UBN1: variants seen among roughly 807,000 people sequenced by gnomAD.
UBN1 encodes ubinuclein 1, also known as ubinuclein-1.
UBN1 carries 17 observed loss-of-function variants against 108.5 expected under a neutral mutation model. The ratio of observed to expected loss-of-function variants is 0.16; its 90% CI spans 0.11 to 0.24. UBN1 has a LOEUF of 0.24. UBN1 is among the 10% of genes least tolerant of loss of function. The pLI is 1.00. For missense variants in UBN1, 1,595 were observed against 1,394.4 expected, an observed-to-expected ratio of 1.14 and a Z score of -2.29; for synonymous variants, 726 against 564.2, an observed-to-expected ratio of 1.29 and a Z score of -4.07.
At chr16:4,875,558 C>G in intron 15 of UBN1, 124 bp downstream of exon 15, 1 of 1,372,656 alleles carries the variant, frequency 7.3e-7, no homozygotes, top group East Asian at 2.3e-5. Context: ...ACAGTGGGCT[C>G]AGACGTAGGA....
intron 7 of UBN1, among the ~76,000 whole-genome samples, chr16:4,866,627 C>T (rs1485508092): frequency 2.0e-5 from 3 of 152,360 alleles, no homozygotes; most frequent in East Asian, 1.9e-4. Flanking sequence ...ATCCTGCCAC[C>T]TCAGCCTCCA....
At chr16:4,880,025 T>C in intron 17 of UBN1, 58 bp from the exon 18 acceptor site, 3 of 1,598,314 alleles carry the variant, frequency 1.9e-6, no homozygotes, top group Non-Finnish European at 2.6e-6. Flanking sequence ...TACTACTGCC[T>C]TAAGGAAATC....
At chr16:4,853,838 A>C (rs1385110806) in intron 2 of UBN1, among the ~76,000 whole-genome samples, 1 of 152,108 alleles carries the variant, frequency 6.6e-6, no homozygotes, top group Admixed American at 6.5e-5. Flanking sequence ...CTGGGATTAC[A>C]AACATGAGCC....
chr16:4,866,166 T>G (rs1225550415), intron 7 of UBN1, among the ~76,000 whole-genome samples: 1 of 152,298 alleles, frequency 6.6e-6, no homozygotes, highest in South Asian at 2.1e-4. Context: ...ACTAATATAA[T>G]TCTAGTACCT....
rs2086633849 is a variant in UBN1, at chr16:4,853,144, A to G, written c.227A>G (p.Lys76Arg). 3.1e-6 allele frequency: 5 copies of G among 1,614,172 alleles called. No individual in the cohort carries two copies. The highest frequency in any genetic ancestry group is 1.3e-5 in the African/African-American group (1 of 75,044). The change falls in exon 2 of 18, where the codon AAA becomes AGA. Residue 76 changes from lysine (K) to arginine (R), a missense_variant. Coordinates refer to ENST00000262376, the MANE Select transcript of UBN1 (RefSeq NM_001079514.3). ...GTGAAGAATATCCGAGGGAAGGTAA[A>G]AGGCCTTCAGCCTGGAGATAAGGTA... ...ELVKNIRGKV[K>R]GLQPGDKKKD...
In UBN1 at chr16:4,875,326, T is replaced by A. The variant is rs747352705; in HGVS notation, c.2916T>A (p.Gly972=). 1.9e-6 allele frequency: 3 copies of A among 1,614,220 alleles called. No homozygotes were observed. The highest frequency in any genetic ancestry group is 2.2e-5 in the East Asian group (1 of 44,884). Residue 972 remains glycine (G), a synonymous_variant, in exon 15 of 18, where the codon GGT becomes GGA. Transcript: ENST00000262376. ...TGACTCTGGTAGCCCCTCCAGGCGG[T>A]CCAAACGGAGATTCCAGTGGTGGGA... ...QKLTLVAPPG[G]PNGDSSGGTQ... is the part of the protein sequence containing the mutation.
Position 4,880,115 on chromosome 16 carries a change from G to A in UBN1, c.3388G>A (p.Val1130Ile), listed in dbSNP as rs1287394938. The A allele has an allele frequency of 1.2e-6, 2 of 1,613,888 alleles. No homozygotes were observed. Among genetic ancestry groups the A allele is most frequent in the Non-Finnish European group, 1.7e-6 (2 of 1,180,010 alleles). Residue 1130 changes from valine (V) to isoleucine (I), a missense_variant, in exon 18 of 18, where the codon GTA becomes ATA. By Grantham distance (29) the Val-to-Ile change is conservative. This residue lies in a region of UBN1 where 1,398 missense variants were observed against 1,194.7 expected (regional missense o/e 1.17). Transcript: ENST00000262376. ...TCAGCTTCACGGGAAAGGGCCTGCT[G>A]TACCACGGAAATTGTGACCGCTTCA... ...ASQLHGKGPA[V>I]PRKL
chr16:4,859,816 C>T, intron 5 of UBN1, 49 bp from the exon 6 acceptor site: 1 of 1,610,908 alleles, frequency 6.2e-7, no homozygotes, highest in African/African-American at 1.3e-5. Context: ...AGTGCACTTG[C>T]TCCCTGAGTT....
chr16:4,875,261 C>T lies in UBN1; in HGVS notation c.2851C>T (p.Pro951Ser). The change falls in exon 15 of 18, where the codon CCA becomes TCA. Residue 951 changes from proline (P) to serine (S), a missense_variant. By Grantham distance (74) the Pro-to-Ser change is moderately conservative (BLOSUM62 -1). Around this residue, in one of 3 missense-constraint regions of UBN1, gnomAD observed 1,398 missense variants for 1,194.7 expected, o/e 1.17. Coordinates refer to ENST00000262376, the MANE Select transcript of UBN1 (RefSeq NM_001079514.3). ...SVGQATSRPV[P>S]SSAGKKMPVS... ...GGGACAGGCCACCAGCCGACCCGTC[C>T]CAAGTTCAGCAGGGAAAAAAATGCC... The T allele has an allele frequency of 6.2e-7, 1 of 1,614,236 alleles. No individual in the cohort carries two copies. The highest frequency in any genetic ancestry group is 8.5e-7 in the Non-Finnish European group (1 of 1,180,048).
At chr16:4,872,489 G>GC in intron 12 of UBN1, 1 of 206,394 alleles carries the variant, frequency 4.8e-6, no homozygotes, top group Non-Finnish European at 8.4e-6. Context: ...GGGGGGCGGG[G>GC]ACAAAGTCTC....
At chr16:4,855,809 C>G (rs1039180706) in intron 2 of UBN1, among the ~76,000 whole-genome samples, 1 of 152,134 alleles carries the variant, frequency 6.6e-6, no homozygotes, top group Non-Finnish European at 1.5e-5. Context: ...ATCCCAGCTA[C>G]TCGGTAGGCT....
At chr16:4,858,510 A>C (rs1242548152) in intron 3 of UBN1, 58 bp from the exon 4 acceptor site, 6 of 1,514,546 alleles carry the variant, frequency 4.0e-6, no homozygotes, top group Non-Finnish European at 5.5e-6. Context: ...GTTCAAGGCC[A>C]CAGTTAATTC....
intron 10 of UBN1, 66 bp downstream of exon 10, chr16:4,870,700 G>T: frequency 6.2e-7 from 1 of 1,601,276 alleles, no homozygotes; most frequent in Non-Finnish European, 8.5e-7. Flanking sequence ...CCGTTTCTCG[G>T]TGTGTACTGC....
chr16:4,854,807 C>T (rs1383078956), intron 2 of UBN1, among the ~76,000 whole-genome samples: 2 of 151,932 alleles, frequency 1.3e-5, no homozygotes, highest in Non-Finnish European at 2.9e-5. Flanking sequence ...ACTGCAAGCT[C>T]CGCCTCCTCG....
rs1206796602 is a variant in UBN1, at chr16:4,876,861, T to A, written c.3025-10T>A. 6.4e-7 allele frequency: 1 copy of A among 1,571,482 alleles called. No individual in the cohort carries two copies. Among genetic ancestry groups the A allele is most frequent in the Admixed American group, 1.9e-5 (1 of 53,814 alleles). ...TGGAGTTCTTACCGCTTGCTGTGTTTCTTCCCTAGAAAGGAGCGAGTGGGA... is the reference window on the plus strand; with the variant it reads ...TGGAGTTCTTACCGCTTGCTGTGTTACTTCCCTAGAAAGGAGCGAGTGGGA... On this transcript the variant is annotated splice_polypyrimidine_tract_variant and intron_variant, in intron 15 of 17. Coordinates refer to ENST00000262376, the MANE Select transcript of UBN1 (RefSeq NM_001079514.3).
Position 4,874,360 on chromosome 16 carries a change from T to C in UBN1, c.1950T>C (p.Ala650=). ...CATCCCAGGCATCGGGCGGCCTTGC[T>C]AACCCTCCTCCTGTCAACCTGGAGG... ...ELPSQASGGL[A]NPPPVNLEDS... is the part of the protein sequence containing the mutation. Residue 650 remains alanine (A), a synonymous_variant, in exon 15 of 18, where the codon GCT becomes GCC. Transcript: ENST00000262376. The C allele has an allele frequency of 6.2e-7, 1 of 1,614,102 alleles. No homozygotes were observed. The highest frequency in any genetic ancestry group is 1.7e-5 in the Admixed American group (1 of 60,002).
chr16:4,849,835 G>A (rs2086456218), intron 1 of UBN1, among the ~76,000 whole-genome samples: 1 of 149,944 alleles, frequency 6.7e-6, no homozygotes, highest in African/African-American at 2.5e-5. Context: ...AGGCTCCAGC[G>A]ATCATCCTGC....
intron 15 of UBN1, 36 bp from the exon 16 acceptor site, chr16:4,876,835 C>A (rs771601227): frequency 3.2e-5 from 50 of 1,551,134 alleles, no homozygotes; most frequent in Non-Finnish European, 4.2e-5. Context: ...ACGAACAGGA[C>A]TGGAGTTCTT....
At chr16:4,850,205 A>G (rs1032178386) in intron 1 of UBN1, among the ~76,000 whole-genome samples, 2 of 152,182 alleles carry the variant, frequency 1.3e-5, no homozygotes, top group Non-Finnish European at 2.9e-5. Context: ...CCCCAAATCT[A>G]AGTGGTAATA....
Sources: gnomAD v4.1 joint callset for allele counts (sites outside exome capture counted in the v4.1 genomes callset) on GRCh38, gnomAD v4.1.1 for gene constraint, gnomAD v4.1.1 regional missense constraint, MANE v1.5 for transcripts, NCBI Gene and HGNC (gene_info 2026-07-23, HGNC 2026-07-21) for gene names.